Variants in ROBO2 observed in about 807,000 individuals in gnomAD.
The protein encoded by ROBO2 is roundabout homolog 2.
Under a neutral mutation model 160.8 loss-of-function variants are expected in ROBO2, and 53 were observed. The observed-to-expected ratio is 0.33, with a 90% CI of 0.26 to 0.41. ROBO2 has a LOEUF of 0.41. Among genes scored for constraint, ROBO2 ranks in the 10% least tolerant of loss-of-function variants. The pLI is 1.00. For missense variants in ROBO2, 1,577 were observed against 1,722.4 expected (o/e 0.92, Z 1.49); for synonymous variants, 664 against 611.7 (o/e 1.09, Z -1.26).
At chr3:76,303,754 C>A (rs1028285203) in intron 2 of ROBO2, among the ~76,000 whole-genome samples, 1 of 152,142 alleles carries the variant, frequency 6.6e-6, no homozygotes, top group Admixed American at 6.5e-5. Flanking sequence ...GAAACATTAG[C>A]AAAATGCAGT....
intron 2 of ROBO2, among the ~76,000 whole-genome samples, chr3:76,747,405 A>AT: frequency 6.6e-6 from 1 of 152,248 alleles, no homozygotes; most frequent in African/African-American, 2.4e-5. Flanking sequence ...TTAACTGTAT[A>AT]TTTTTAGTTT....
intron 2 of ROBO2, among the ~76,000 whole-genome samples, chr3:76,989,535 G>A (rs915671179): frequency 1.3e-5 from 2 of 151,846 alleles, no homozygotes; most frequent in Non-Finnish European, 2.9e-5. Flanking sequence ...CATTTGAGAT[G>A]AAATATTTGT....
chr3:76,000,106 A>G (rs2065839054), intron 2 of ROBO2, among the ~76,000 whole-genome samples: 1 of 152,216 alleles, frequency 6.6e-6, no homozygotes, highest in Non-Finnish European at 1.5e-5. Flanking sequence ...CCTCACAGTC[A>G]TGGCAGAAGA....
At chr3:76,215,325 G>A (rs747912321) in intron 2 of ROBO2, among the ~76,000 whole-genome samples, 135 of 152,142 alleles carry the variant, frequency 8.9e-4, no homozygotes, top group Non-Finnish European at 1.4e-3. Flanking sequence ...GACTTTGATG[G>A]GTTGAGAGAG....
At chr3:77,124,985 A>G (rs185510949) in intron 2 of ROBO2, among the ~76,000 whole-genome samples, 5 of 152,096 alleles carry the variant, frequency 3.3e-5, no homozygotes, top group Admixed American at 3.3e-4. Flanking sequence ...ACTCATTATA[A>G]ATACTTAACT....
At chr3:76,524,147 T>C (rs1397032476) in intron 2 of ROBO2, among the ~76,000 whole-genome samples, 4 of 152,102 alleles carry the variant, frequency 2.6e-5, no homozygotes, top group Admixed American at 1.3e-4. Flanking sequence ...ATAACAGATG[T>C]TAATGAACTT....
intron 2 of ROBO2, among the ~76,000 whole-genome samples, chr3:77,461,989 G>C (rs909041053): frequency 6.6e-6 from 1 of 152,164 alleles, no homozygotes; most frequent in Non-Finnish European, 1.5e-5. Flanking sequence ...GCCTCTCAAA[G>C]TGCTGGGATT....
At chr3:76,137,230 T>C (rs886523268) in intron 2 of ROBO2, among the ~76,000 whole-genome samples, 3 of 152,040 alleles carry the variant, frequency 2.0e-5, no homozygotes, top group Non-Finnish European at 2.9e-5. Flanking sequence ...TTATTAATAT[T>C]TTTGTATCAC....
intron 2 of ROBO2, among the ~76,000 whole-genome samples, chr3:77,210,881 T>G (rs920275258): frequency 6.6e-6 from 1 of 152,172 alleles, no homozygotes; most frequent in African/African-American, 2.4e-5. Flanking sequence ...GAATGATGAT[T>G]TCCAGCCTCA....
At chr3:76,099,197 G>A (rs1456353536) in intron 2 of ROBO2, among the ~76,000 whole-genome samples, 3 of 152,018 alleles carry the variant, frequency 2.0e-5, no homozygotes, top group Non-Finnish European at 4.4e-5. Flanking sequence ...GAGTTTAGCC[G>A]TTCCTTTTCT....
Position 76,485,493 on chromosome 3 carries a change from G to A in ROBO2, c.109+547891G>A, listed in dbSNP as rs577369456. On this transcript the variant is annotated intron_variant, in intron 2 of 26. Transcript: ENST00000487694. ...TGTGTGGCCCGGTTCCTAACAGACC[G>A]CAAACTGGTATCAGTCCATGATCCA... Among the ~76,000 whole-genome samples the A allele has an allele frequency of 3.8e-4, 58 of 152,222 alleles. No individual in the cohort carries two copies. The South Asian group carries it at 0.012, about 30-fold the overall frequency.
intron 8 of ROBO2, 108 bp downstream of exon 9, chr3:77,551,097 T>C: frequency 1.7e-6 from 2 of 1,201,894 alleles, no homozygotes; most frequent in South Asian, 2.6e-5. Context: ...CTATGTATGC[T>C]TATCTTTTAA....
chr3:77,243,875 T>C (rs915995716), intron 2 of ROBO2, among the ~76,000 whole-genome samples: 1 of 152,102 alleles, frequency 6.6e-6, no homozygotes, highest in Non-Finnish European at 1.5e-5. Context: ...GCATATAAGT[T>C]TCCCTGGCAT....
At chr3:76,902,323 T>C (rs1312289511) in intron 2 of ROBO2, among the ~76,000 whole-genome samples, 1 of 152,082 alleles carries the variant, frequency 6.6e-6, no homozygotes, top group Non-Finnish European at 1.5e-5. Flanking sequence ...TCATATGCAC[T>C]ACTCTGTTTA....
intron 2 of ROBO2, among the ~76,000 whole-genome samples, chr3:76,987,354 G>C (rs1234199917): frequency 1.3e-5 from 2 of 152,092 alleles, no homozygotes; most frequent in African/African-American, 2.4e-5. Context: ...CGTGTAGTGG[G>C]GGGGAGGGAA....
At chr3:76,105,414 T>C (rs1013161607) in intron 2 of ROBO2, among the ~76,000 whole-genome samples, 2 of 152,202 alleles carry the variant, frequency 1.3e-5, no homozygotes, top group Non-Finnish European at 2.9e-5. Context: ...GTAAGACTTC[T>C]GTTTAGCCTG....
At chr3:77,427,497 G>A (rs1164120165) in intron 2 of ROBO2, among the ~76,000 whole-genome samples, 1 of 152,150 alleles carries the variant, frequency 6.6e-6, no homozygotes, top group Non-Finnish European at 1.5e-5. Flanking sequence ...TTCGCACAAA[G>A]CATGTATCGT....
At chr3:76,620,556 G>C (rs1306397218) in intron 2 of ROBO2, among the ~76,000 whole-genome samples, 3 of 152,062 alleles carry the variant, frequency 2.0e-5, no homozygotes, top group African/African-American at 7.2e-5. Context: ...GGGTAAACCT[G>C]ATAAAATATA....
chr3:76,882,783 C>T (rs1200961827), intron 2 of ROBO2, among the ~76,000 whole-genome samples: 1 of 152,016 alleles, frequency 6.6e-6, no homozygotes, highest in Non-Finnish European at 1.5e-5. Context: ...TATTCTTGTA[C>T]GTTTGTACTA....
Sources: gnomAD v4.1 joint callset for allele counts (sites outside exome capture counted in the v4.1 genomes callset) on GRCh38, gnomAD v4.1.1 for gene constraint, MANE v1.5 for transcripts, NCBI Gene and HGNC (gene_info 2026-07-23, HGNC 2026-07-21) for gene names.